PTPRO: variants seen among roughly 807,000 people sequenced by gnomAD.
The protein encoded by PTPRO is receptor-type tyrosine-protein phosphatase O.
Under a neutral mutation model 145.2 loss-of-function variants are expected in PTPRO, and 62 were observed. The observed-to-expected ratio is 0.43, with a 90% CI of 0.35 to 0.53. The LOEUF is 0.53. Among genes scored for constraint, PTPRO ranks in the 20% least tolerant of loss-of-function variants. The pLI is 0.01. For synonymous variants in PTPRO, 565 were observed against 514.7 expected (o/e 1.10, Z -1.32); for missense variants, 1,345 against 1,482.7 (o/e 0.91, Z 1.53).
chr12:15,423,959 G>T (rs999931441), intron 1 of PTPRO, among the ~76,000 whole-genome samples: 1 of 152,166 alleles, frequency 6.6e-6, no homozygotes, highest in African/African-American at 2.4e-5. Context: ...ACAAGTTAGA[G>T]GAGAGTCTGG....
chr12:15,338,643 T>C (rs1002346470), intron 1 of PTPRO, among the ~76,000 whole-genome samples: 1 of 152,100 alleles, frequency 6.6e-6, no homozygotes, highest in Non-Finnish European at 1.5e-5. Flanking sequence ...AAAAAGGAAA[T>C]TACCACTGTA....
intron 1 of PTPRO, among the ~76,000 whole-genome samples, chr12:15,414,501 G>A (rs1939889772): frequency 6.6e-6 from 1 of 152,084 alleles, no homozygotes; most frequent in Non-Finnish European, 1.5e-5. Flanking sequence ...CTAGCTTAAA[G>A]CTGTGCATAG....
chr12:15,585,628 T>C (rs1025838391), intron 23 of PTPRO, among the ~76,000 whole-genome samples: 5 of 152,238 alleles, frequency 3.3e-5, no homozygotes, highest in African/African-American at 4.8e-5. Flanking sequence ...CATTTCTCTT[T>C]CAATACCTGA....
At chr12:15,488,549 G>T (rs1941937778) in intron 2 of PTPRO, among the ~76,000 whole-genome samples, 1 of 152,178 alleles carries the variant, frequency 6.6e-6, no homozygotes, top group African/African-American at 2.4e-5. Flanking sequence ...AACATTTGTA[G>T]TATCTGCTCA....
intron 1 of PTPRO, among the ~76,000 whole-genome samples, chr12:15,455,108 T>C (rs1263447053): frequency 2.0e-5 from 3 of 152,148 alleles, no homozygotes; most frequent in Non-Finnish European, 4.4e-5. Context: ...TATATCAGCC[T>C]ACCTTCAGAT....
intron 12 of PTPRO, among the ~76,000 whole-genome samples, chr12:15,527,554 G>C (rs979647973): frequency 8.5e-5 from 13 of 152,324 alleles, no homozygotes; most frequent in Middle Eastern, 3.4e-3. Flanking sequence ...TGGCTGTTCA[G>C]CAGCACCATA....
At chr12:15,549,386 G>A (rs1943393333) in intron 14 of PTPRO, among the ~76,000 whole-genome samples, 160 bp downstream of exon 14, 1 of 151,910 alleles carries the variant, frequency 6.6e-6, no homozygotes, top group African/African-American at 2.4e-5. Context: ...GTTAGAGAAA[G>A]ACATTTGGTG....
chr12:15,575,549 C>A (rs991310540), intron 19 of PTPRO, among the ~76,000 whole-genome samples: 3 of 152,192 alleles, frequency 2.0e-5, no homozygotes, highest in African/African-American at 7.2e-5. Flanking sequence ...GTTATGGCAG[C>A]CCAAGCCAAC....
chr12:15,579,385 G>A (rs910062897), intron 20 of PTPRO, among the ~76,000 whole-genome samples: 3 of 152,148 alleles, frequency 2.0e-5, no homozygotes, highest in Middle Eastern at 3.2e-3. Context: ...AGGAAAAAAA[G>A]GTAATATAAA....
intron 15 of PTPRO, among the ~76,000 whole-genome samples, chr12:15,553,607 G>A (rs1012032164): frequency 5.3e-5 from 8 of 152,312 alleles, no homozygotes; most frequent in Admixed American, 5.2e-4. Context: ...GCAGGGCTTC[G>A]TATGCCTTTG....
chr12:15,453,985 A>G (rs1941111583), intron 1 of PTPRO, among the ~76,000 whole-genome samples: 1 of 152,208 alleles, frequency 6.6e-6, no homozygotes, highest in Non-Finnish European at 1.5e-5. Context: ...CCATCAGTGG[A>G]CATTTCATTG....
intron 1 of PTPRO, among the ~76,000 whole-genome samples, chr12:15,432,677 C>A (rs1275090405): frequency 6.6e-6 from 1 of 152,172 alleles, no homozygotes; most frequent in African/African-American, 2.4e-5. Context: ...TATTTTGTGA[C>A]TTTTGAATCA....
Position 15,374,046 on chromosome 12 carries a change from T to G in PTPRO, c.75+51245T>G, listed in dbSNP as rs572368953. On this transcript the variant is annotated intron_variant, in intron 1 of 26. Coordinates refer to ENST00000281171, the MANE Select transcript of PTPRO (RefSeq NM_030667.3). The stretch of plus-strand genomic sequence containing the variant: ...AAAAGGAATGAACATGCCTAATAAG[T>G]AGAGAGCATGATGATTAGTACAGAC... Among the ~76,000 whole-genome samples, 4 of 152,282 alleles carry G rather than the reference T, an allele frequency of 2.6e-5. 1 individual carries two copies. Among genetic ancestry groups the G allele is most frequent in the African/African-American group, 9.6e-5 (4 of 41,552 alleles).
intron 1 of PTPRO, among the ~76,000 whole-genome samples, chr12:15,336,577 A>G (rs1008742713): frequency 2.0e-5 from 3 of 152,192 alleles, no homozygotes; most frequent in Non-Finnish European, 4.4e-5. Context: ...TTTTTTCACA[A>G]CTAAACACTG....
chr12:15,529,334 C>T (rs1942909553), intron 12 of PTPRO, among the ~76,000 whole-genome samples: 1 of 151,998 alleles, frequency 6.6e-6, no homozygotes, highest in Admixed American at 6.6e-5. Context: ...TGCTCATGAT[C>T]TAAGATAAGT....
chr12:15,569,498 G>A lies in PTPRO; in HGVS notation c.2829G>A (p.Glu943=). The A allele has an allele frequency of 6.2e-7, 1 of 1,610,218 alleles. No individual in the cohort carries two copies. The highest frequency in any genetic ancestry group is 1.7e-4 in the Middle Eastern group (1 of 6,052). The change falls in exon 19 of 27, where the codon GAG becomes GAA. Residue 943 remains glutamate (E), a splice_region_variant and synonymous_variant. Transcript: ENST00000281171. ...DSDYKFSLQF[E]ELKLIGLDIP... is the part of the protein sequence containing the mutation. ...ACTATAAATTTTCTCTTCAGTTTGA[G>A]GTGAGTTGGTTAAGGCATTTTCTAC...
chr12:15,548,958 C>T lies in PTPRO; in HGVS notation c.2305-136C>T, dbSNP rs910761887. 6.2e-5 allele frequency: 62 copies of T among 995,852 alleles called. No homozygotes were observed. In the Admixed American group the frequency reaches 8.7e-4, roughly 14 times the overall value. The allele number at this position is 995,852 out of a possible 1,614,324, so 61.7% of individuals were successfully genotyped here. On this transcript the variant is annotated intron_variant, in intron 13 of 26. Transcript: ENST00000281171. ...GATGGGGAATGGGGAAAAAAGGAAA[C>T]ATTTTTCAATGCTATTCTTTGTCAT...
At chr12:15,573,106 T>G (rs549646172) in intron 19 of PTPRO, among the ~76,000 whole-genome samples, 7 of 152,260 alleles carry the variant, frequency 4.6e-5, no homozygotes, top group African/African-American at 9.6e-5. Flanking sequence ...GATGTATATA[T>G]AGAGAGATCT....
chr12:15,443,269 C>G (rs1940817919), intron 1 of PTPRO, among the ~76,000 whole-genome samples: 1 of 152,014 alleles, frequency 6.6e-6, no homozygotes, highest in Non-Finnish European at 1.5e-5. Flanking sequence ...ATAAATAGGA[C>G]TGGGATAGCT....
Sources: gnomAD v4.1 joint callset for allele counts (sites outside exome capture counted in the v4.1 genomes callset) on GRCh38, gnomAD v4.1.1 for gene constraint, MANE v1.5 for transcripts, NCBI Gene and HGNC (gene_info 2026-07-23, HGNC 2026-07-21) for gene names.